The following TENM4 variants were observed in gnomAD, a reference collection of about 807,000 sequenced individuals.
TENM4 encodes the protein teneurin-4.
A neutral mutation model predicts 243.3 loss-of-function variants in TENM4; 82 were observed. That is an observed-to-expected ratio of 0.34 (90% CI 0.28 to 0.40). The LOEUF (loss-of-function observed/expected upper bound fraction) is 0.40. TENM4 is among the 10% of genes least tolerant of loss of function. The pLI, the probability that TENM4 is intolerant of heterozygous loss-of-function variation, is 1.00. For synonymous variants in TENM4, 1,412 were observed against 1,456.3 expected (o/e 0.97, Z 0.69); for missense variants, 3,138 against 3,673.3 (o/e 0.85, Z 3.77).
In TENM4 at chr11:78,670,618, C is replaced by T. The variant is rs182789122; in HGVS notation, c.5794-67G>A. On this transcript the variant is annotated intron_variant, in intron 31 of 33. Coordinates refer to ENST00000278550, the MANE Select transcript of TENM4 (RefSeq NM_001098816.3). ...AGGAGAAAGGGTAGGTCTACATACCCGAGACTTAAAGGGACGGAATGAATG... is the reference window on the plus strand; with the variant it reads ...AGGAGAAAGGGTAGGTCTACATACCTGAGACTTAAAGGGACGGAATGAATG... 2,083 of 1,453,084 alleles carry T rather than the reference C, an allele frequency of 1.4e-3. 20 individuals carry two copies. In the African/African-American group the frequency reaches 0.026, roughly 18 times the overall value. The allele number at this position is 1,453,084 out of a possible 1,614,324, so 90.0% of individuals were successfully genotyped here.
At chr11:79,157,837 A>G (rs1270499708) in intron 3 of TENM4, among the ~76,000 whole-genome samples, 1 of 152,168 alleles carries the variant, frequency 6.6e-6, no homozygotes, top group Non-Finnish European at 1.5e-5. Context: ...GGCCTTGGAC[A>G]GTGTATTTTT....
chr11:78,660,522 A>C (rs543983043), intron 33 of TENM4, among the ~76,000 whole-genome samples: 1 of 152,172 alleles, frequency 6.6e-6, no homozygotes, highest in African/African-American at 2.4e-5. Flanking sequence ...GGGGTCTGGT[A>C]GGAGATAGCT....
intron 6 of TENM4, among the ~76,000 whole-genome samples, chr11:79,058,511 T>A (rs888863387): frequency 1.4e-5 from 2 of 148,100 alleles, no homozygotes; most frequent in Non-Finnish European, 3.0e-5. Flanking sequence ...GCCACTGCAC[T>A]CCAGCCTGGA....
chr11:79,250,668 A>C (rs1855594821), intron 2 of TENM4, among the ~76,000 whole-genome samples: 3 of 152,262 alleles, frequency 2.0e-5, no homozygotes, highest in South Asian at 4.1e-4. Context: ...ACCCAACATT[A>C]GACACAATTC....
At chr11:79,275,226 GGT>G (rs756371184) in intron 2 of TENM4, among the ~76,000 whole-genome samples, 15 of 143,502 alleles carry the variant, frequency 1.0e-4, no homozygotes, top group African/African-American at 4.0e-4. Flanking sequence ...GTGTGAGCGG[GGT>G]GTGTGTGTGT....
chr11:79,071,908 A>G (rs1380718197), intron 4 of TENM4, among the ~76,000 whole-genome samples: 1 of 152,206 alleles, frequency 6.6e-6, no homozygotes, highest in Non-Finnish European at 1.5e-5. Context: ...AGATCCAATT[A>G]AGATGAATAG....
At chr11:79,033,494 T>C (rs1364949754) in intron 6 of TENM4, among the ~76,000 whole-genome samples, 1 of 152,370 alleles carries the variant, frequency 6.6e-6, no homozygotes. Context: ...CAAAGTATTA[T>C]GGTCCCTGGT....
At chr11:79,250,168 G>A (rs1855585492) in intron 2 of TENM4, among the ~76,000 whole-genome samples, 1 of 152,080 alleles carries the variant, frequency 6.6e-6, no homozygotes, top group Non-Finnish European at 1.5e-5. Flanking sequence ...TGTATTTTTA[G>A]TAGAGACAGG....
chr11:78,986,564 T>C (rs1857923121), intron 6 of TENM4, among the ~76,000 whole-genome samples: 1 of 152,098 alleles, frequency 6.6e-6, no homozygotes, highest in African/African-American at 2.4e-5. Context: ...AGTTTGGTTT[T>C]TGTTGTTGTT....
intron 6 of TENM4, among the ~76,000 whole-genome samples, chr11:79,064,056 T>C (rs551242921): frequency 5.2e-4 from 77 of 147,888 alleles, no homozygotes; most frequent in African/African-American, 1.8e-3. Flanking sequence ...TTAAATCAAG[T>C]TAATTAACAT....
chr11:78,835,154 A>G (rs1186096068), intron 12 of TENM4, among the ~76,000 whole-genome samples: 1 of 152,164 alleles, frequency 6.6e-6, no homozygotes, highest in Non-Finnish European at 1.5e-5. Context: ...TCCTCTCAGT[A>G]GCATTTGACA....
At chr11:79,060,488 C>A (rs1295745695) in intron 6 of TENM4, among the ~76,000 whole-genome samples, 2 of 152,228 alleles carry the variant, frequency 1.3e-5, no homozygotes, top group Non-Finnish European at 2.9e-5. Context: ...TTGACTAATG[C>A]AAGGCAGGGT....
intron 2 of TENM4, among the ~76,000 whole-genome samples, chr11:79,231,732 C>T (rs1864377380): frequency 6.6e-6 from 1 of 152,164 alleles, no homozygotes; most frequent in African/African-American, 2.4e-5. Flanking sequence ...GCTCTGAAGC[C>T]TAAGTTAGGC....
intron 18 of TENM4, 125 bp downstream of exon 18, chr11:78,770,867 C>T (rs1412435220): frequency 9.8e-6 from 13 of 1,332,180 alleles, no homozygotes; most frequent in Middle Eastern, 2.6e-4. Context: ...TTTTGCTTGC[C>T]CCGCAGGTCC....
chr11:78,939,377 T>C (rs1856844998), intron 6 of TENM4, among the ~76,000 whole-genome samples: 1 of 152,254 alleles, frequency 6.6e-6, no homozygotes, highest in South Asian at 2.1e-4. Context: ...CTTCATAAAC[T>C]GGCCCCGAAG....
Position 79,064,723 on chromosome 11 carries a change from A to C in TENM4, c.493+15T>G. 1.3e-6 allele frequency: 2 copies of C among 1,551,522 alleles called. No individual in the cohort carries two copies. Among genetic ancestry groups the C allele is most frequent in the South Asian group, 2.4e-5 (2 of 84,026 alleles). ...ACCACCCAGGCACCCGGCACAGACC[A>C]AACCAGCCACTCACCAGTCTCAGTG... is the stretch of plus-strand genomic sequence containing the variant. On this transcript the variant is annotated intron_variant, in intron 6 of 33. Transcript: ENST00000278550.
chr11:79,237,988 C>G (rs942405962), intron 2 of TENM4, among the ~76,000 whole-genome samples: 1 of 152,284 alleles, frequency 6.6e-6, no homozygotes, highest in South Asian at 2.1e-4. Flanking sequence ...CTACAGCCAC[C>G]GAGCTGCTAA....
At chr11:78,791,517 A>C (rs151163888) in intron 15 of TENM4, among the ~76,000 whole-genome samples, 1 of 152,310 alleles carries the variant, frequency 6.6e-6, no homozygotes, top group Non-Finnish European at 1.5e-5. Flanking sequence ...CTGCTGTAGG[A>C]ATTACTTTCA....
chr11:79,400,631 C>T (rs376753340), intron 1 of TENM4, among the ~76,000 whole-genome samples: 1 of 152,176 alleles, frequency 6.6e-6, no homozygotes, highest in Non-Finnish European at 1.5e-5. Flanking sequence ...ATCTTTAAGC[C>T]TCAGTTTCCT....
Sources: gnomAD v4.1 joint callset for allele counts (sites outside exome capture counted in the v4.1 genomes callset) on GRCh38, gnomAD v4.1.1 for gene constraint, MANE v1.5 for transcripts, NCBI Gene and HGNC (gene_info 2026-07-23, HGNC 2026-07-21) for gene names.